Variants in SPATA1 observed in about 807,000 individuals in gnomAD.
SPATA1 encodes the protein spermatogenesis-associated protein 1.
In SPATA1, 57 loss-of-function variants were observed where a neutral mutation model predicts 59.6. The observed-to-expected ratio is 0.96, with a 90% CI of 0.77 to 1.19. The LOEUF is 1.19. Ranked by LOEUF, SPATA1 falls within the 50% of genes most tolerant of loss-of-function variation. SPATA1 has a pLI of 0.00. For missense variants in SPATA1, 448 were observed against 480.7 expected (o/e 0.93, Z 0.64); for synonymous variants, 147 against 163.9 (o/e 0.90, Z 0.79).
chr1:84,555,914 T>G (rs565081782), downstream of SPATA1: 2 of 152,372 alleles, frequency 1.3e-5, no homozygotes, highest in South Asian at 4.1e-4. Flanking sequence ...CTGTAGTTGC[T>G]AGAAGTGTGC....
intron 3 of SPATA1, 75 bp from the exon 4 acceptor site, chr1:84,522,315 C>T: frequency 1.3e-6 from 1 of 795,108 alleles, no homozygotes; most frequent in Non-Finnish European, 1.8e-6. Flanking sequence ...AGATAGCTGA[C>T]TAAAGTTATT....
intron 8 of SPATA1, among the ~76,000 whole-genome samples, chr1:84,535,110 A>C (rs1315038528): frequency 6.6e-6 from 1 of 152,096 alleles, no homozygotes; most frequent in Non-Finnish European, 1.5e-5. Context: ...ATTTGTTAAG[A>C]CTTTATTTTT....
At chr1:84,558,212 T>G (rs900121144), downstream of SPATA1, among the ~76,000 whole-genome samples, 3 of 152,214 alleles carry the variant, frequency 2.0e-5, no homozygotes, top group Admixed American at 6.5e-5. Context: ...ATAACTTGAT[T>G]TAGCCATTTC....
intron 8 of SPATA1, among the ~76,000 whole-genome samples, chr1:84,538,101 G>C (rs888594497): frequency 4.6e-5 from 7 of 152,180 alleles, no homozygotes; most frequent in Non-Finnish European, 2.9e-5. Context: ...TGGCAGAAAA[G>C]GTTATTCCTG....
chr1:84,556,437 G>A (rs143901154), downstream of SPATA1, among the ~76,000 whole-genome samples: 570 of 152,214 alleles, frequency 3.7e-3, 2 homozygotes, highest in Non-Finnish European at 4.7e-3. Context: ...TTGGGGCCGG[G>A]CACGGTGTCT....
At chr1:84,532,815 C>A in intron 6 of SPATA1, 45 bp from the exon 7 acceptor site, 1 of 1,314,054 alleles carries the variant, frequency 7.6e-7, no homozygotes, top group Non-Finnish European at 1.1e-6. Context: ...TACTATTTTC[C>A]TAACATTCTG....
intron 4 of SPATA1, chr1:84,563,920 T>C: frequency 5.7e-6 from 8 of 1,397,532 alleles, no homozygotes; most frequent in Non-Finnish European, 7.5e-6. Context: ...AGAATCTGTT[T>C]GTAAAAACAA....
intron 9 of SPATA1, 108 bp from the exon 10 acceptor site, chr1:84,545,526 T>C: frequency 7.9e-7 from 1 of 1,264,222 alleles, no homozygotes; most frequent in Non-Finnish European, 1.1e-6. Flanking sequence ...TGGGATAAAA[T>C]TTATTCTTGC....
chr1:84,511,061 T>G (rs1487631830), intron 1 of SPATA1, among the ~76,000 whole-genome samples: 2 of 152,092 alleles, frequency 1.3e-5, no homozygotes, highest in Non-Finnish European at 2.9e-5. Context: ...AAATATAAGT[T>G]AGATAAAGTG....
chr1:84,518,524 A>C lies in SPATA1; in HGVS notation c.37-2061A>C, dbSNP rs139008996. Among the ~76,000 whole-genome samples, 712 of 152,212 alleles carry C rather than the reference A, an allele frequency of 4.7e-3. 7 individuals are homozygous for C. Among genetic ancestry groups the C allele is most frequent in the Admixed American group, 0.036 (548 of 15,276 alleles). ...TTAAAATTTTTCATATTAAATAAAA[A>C]TATATGTCAGATCTTAATGTTTCTC... On this transcript the variant is annotated intron_variant, in intron 2 of 12. Coordinates refer to ENST00000490879, the Ensembl canonical transcript of SPATA1.
chr1:84,525,961 T>C (rs768780187), exon 6 of SPATA1: 6 of 1,613,792 alleles, frequency 3.7e-6, no homozygotes, highest in East Asian at 2.2e-5. Flanking sequence ...ATGAGGCTGA[T>C]GGAACAATCC....
At chr1:84,522,249 G>A (rs1349884497) in intron 3 of SPATA1, 141 bp from the exon 4 acceptor site, 2 of 429,868 alleles carry the variant, frequency 4.7e-6, no homozygotes, top group African/African-American at 4.1e-5. Flanking sequence ...TGCCGGCAAT[G>A]TGGAAACATA....
At chr1:84,536,213 C>A (rs1683673224) in intron 8 of SPATA1, among the ~76,000 whole-genome samples, 1 of 152,136 alleles carries the variant, frequency 6.6e-6, no homozygotes, top group Non-Finnish European at 1.5e-5. Context: ...TTTAAATTGG[C>A]TCAAGTTTAA....
intron 6 of SPATA1, among the ~76,000 whole-genome samples, chr1:84,530,397 G>A (rs1275231714): frequency 2.0e-5 from 3 of 152,142 alleles, no homozygotes; most frequent in African/African-American, 4.8e-5. Flanking sequence ...ATGAGGTTAG[G>A]AAAGGGAGGG....
In SPATA1 at chr1:84,520,809, G is replaced by A. The variant is rs1176213958; in HGVS notation, c.143+118G>A. 6 of 696,130 alleles carry A rather than the reference G, an allele frequency of 8.6e-6. No individual in the cohort carries two copies. In the Admixed American group the frequency reaches 9.3e-5, roughly 11 times the overall value. The allele number at this position is 696,130 out of a possible 1,614,324, so 43.1% of individuals were successfully genotyped here. A position where few individuals can be genotyped will look rare whatever the true frequency, so the allele number is the denominator to read the frequency against. ...TGAAAAATATTTTGTCCACGTGATAGATCCATTTCCTGACTTAATGAATAC... is the reference window on the plus strand; with the variant it reads ...TGAAAAATATTTTGTCCACGTGATAAATCCATTTCCTGACTTAATGAATAC... On this transcript the variant is annotated intron_variant, in intron 3 of 12. Coordinates refer to ENST00000490879, the Ensembl canonical transcript of SPATA1.
At chr1:84,536,966 G>A (rs1683719491) in intron 8 of SPATA1, among the ~76,000 whole-genome samples, 1 of 147,658 alleles carries the variant, frequency 6.8e-6, no homozygotes, top group Non-Finnish European at 1.5e-5. Flanking sequence ...TGCAACCTCT[G>A]CCACCCAGGT....
downstream of SPATA1, among the ~76,000 whole-genome samples, chr1:84,556,542 C>T (rs912410421): frequency 5.9e-5 from 7 of 117,962 alleles, no homozygotes; most frequent in African/African-American, 3.0e-4. Flanking sequence ...GAAACCCCAT[C>T]TTTACTAAAA....
intron 3 of SPATA1, 147 bp from the exon 4 acceptor site, chr1:84,522,243 G>A (rs559472589): frequency 9.1e-5 from 38 of 419,358 alleles, no homozygotes; most frequent in East Asian, 7.6e-4. Flanking sequence ...ACAAAATGCC[G>A]GCAATGTGGA....
In SPATA1 at chr1:84,522,436, G is replaced by T; in HGVS notation, c.190G>T (p.Glu64Ter). The T allele has an allele frequency of 6.5e-7, 1 of 1,531,846 alleles. No individual in the cohort carries two copies. The highest frequency in any genetic ancestry group is 2.4e-5 in the East Asian group (1 of 42,170). The allele number at this position is 1,531,846 out of a possible 1,614,324, so 94.9% of individuals were successfully genotyped here. The stretch of plus-strand genomic sequence containing the variant: ...ACGAGCCCTGAGGGAGCGTCTTGGT[G>T]AGTTCCTGGGTGAAGATGCTATTGC... The change falls in exon 4 of 13, where the codon GAG becomes TAG. Residue 64 changes from glutamate to a stop codon, truncating the protein, a stop_gained. Transcript: ENST00000490879. LOFTEE classifies it high-confidence loss of function.
Sources: gnomAD v4.1 joint callset for allele counts (sites outside exome capture counted in the v4.1 genomes callset) on GRCh38, gnomAD v4.1.1 for gene constraint, MANE v1.5 for transcripts, NCBI Gene and HGNC (gene_info 2026-07-23, HGNC 2026-07-21) for gene names.